TENT2: variants seen among roughly 807,000 people sequenced by gnomAD.
TENT2 encodes the protein poly(A) RNA polymerase GLD2.
Under a neutral mutation model 72.2 loss-of-function variants are expected in TENT2, and 44 were observed. The ratio of observed to expected loss-of-function variants is 0.61; its 90% confidence interval spans 0.48 to 0.78. TENT2 has a LOEUF of 0.78. TENT2 is among the 30% of genes least tolerant of loss of function. The pLI is 0.00. For missense variants in TENT2, 541 were observed against 569.6 expected, an observed-to-expected ratio of 0.95 and a Z score of 0.51; for synonymous variants, 212 against 192.5, an observed-to-expected ratio of 1.10 and a Z score of -0.84.
chr5:79,623,613 A>G (rs2150010145), intron 4 of TENT2, 124 bp downstream of exon 4: 1 of 563,686 alleles, frequency 1.8e-6, no homozygotes, highest in Non-Finnish European at 2.9e-6. Context: ...TGTTTAAAGT[A>G]CTATTCAGCC....
chr5:79,615,817 A>T (rs2149806386), intron 1 of TENT2, among the ~76,000 whole-genome samples: 1 of 150,686 alleles, frequency 6.6e-6, no homozygotes, highest in East Asian at 2.0e-4. Flanking sequence ...GGCTCAAGCG[A>T]TCCTCCCACC....
At chr5:79,680,139 C>CTT (rs1321792745) in intron 13 of TENT2, among the ~76,000 whole-genome samples, 1 of 152,064 alleles carries the variant, frequency 6.6e-6, no homozygotes, top group Non-Finnish European at 1.5e-5. Context: ...CCTTGAGACA[C>CTT]TTTGAGTGAG....
At chr5:79,619,900 T>C in intron 2 of TENT2, 94 bp from the exon 3 acceptor site, 1 of 1,455,458 alleles carries the variant, frequency 6.9e-7, no homozygotes, top group South Asian at 1.3e-5. Flanking sequence ...CATTTTTTTT[T>C]GATACGGATG....
intron 4 of TENT2, among the ~76,000 whole-genome samples, chr5:79,630,886 T>A (rs1209943424): frequency 1.4e-5 from 2 of 146,928 alleles, no homozygotes; most frequent in Non-Finnish European, 3.0e-5. Context: ...CTATGGAGAG[T>A]AGATTGAAGT....
In TENT2 at chr5:79,656,958, C is replaced by T; in HGVS notation, c.1028C>T (p.Thr343Ile). 1 of 1,602,822 alleles carries T rather than the reference C, an allele frequency of 6.2e-7. No individual in the cohort carries two copies. The highest frequency in any genetic ancestry group is 8.5e-7 in the Non-Finnish European group (1 of 1,172,778). ...LVLMVLHYLQ[T>I]LPEPILPSLQ... ...AGCTTTAAACTTTTTCTTTTTATAGCCCTACCTGAACCCATCCTTCCATCC... is the reference window on the plus strand; with the variant it reads ...AGCTTTAAACTTTTTCTTTTTATAGTCCTACCTGAACCCATCCTTCCATCC... Residue 343 changes from threonine to isoleucine, a missense_variant and splice_region_variant, in exon 11 of 15, where the codon ACC becomes ATC. Coordinates refer to ENST00000453514, the MANE Select transcript of TENT2 (RefSeq NM_001114394.3).
intron 11 of TENT2, among the ~76,000 whole-genome samples, chr5:79,659,546 A>AG (rs1800591499): frequency 1.1e-5 from 1 of 90,474 alleles, no homozygotes; most frequent in African/African-American, 5.4e-5. Context: ...AAAAAAAAAA[A>AG]AAAAAAAATG....
chr5:79,620,315 A>C (rs569386074), intron 3 of TENT2, among the ~76,000 whole-genome samples: 1 of 152,152 alleles, frequency 6.6e-6, no homozygotes, highest in South Asian at 2.1e-4. Flanking sequence ...CCTACATCAG[A>C]TCTCCCCTTT....
chr5:79,621,551 G>A (rs1276288642), intron 3 of TENT2, among the ~76,000 whole-genome samples: 5 of 152,016 alleles, frequency 3.3e-5, no homozygotes, highest in African/African-American at 1.2e-4. Flanking sequence ...GAGGTCAGGA[G>A]ATCGAGACCA....
Position 79,686,795 on chromosome 5 carries a change from C to T in TENT2, c.*1522C>T, listed in dbSNP as rs1411500470. On this transcript the variant is annotated 3_prime_UTR_variant, in exon 15 of 15. Coordinates refer to ENST00000453514, the MANE Select transcript of TENT2 (RefSeq NM_001114394.3). ...TGGCATTATGAGGAATGAAAGTTTA[C>T]ACATAGTGAATTTTTTAGATTCCTG... 2.0e-5 allele frequency: 3 copies of T among 152,150 alleles called. No individual in the cohort carries two copies. Among genetic ancestry groups the T allele is most frequent in the Non-Finnish European group, 4.4e-5 (3 of 67,994 alleles). The allele number at this position is 152,150 out of a possible 1,614,324, so 9.4% of individuals were successfully genotyped here.
intron 4 of TENT2, 119 bp downstream of exon 4, chr5:79,623,608 A>G (rs1766865837): frequency 1.6e-6 from 1 of 630,522 alleles, no homozygotes; most frequent in African/African-American, 1.9e-5. Context: ...TGCAATGTTT[A>G]AAGTACTATT....
rs1360067740 is a variant in TENT2 at position 79,623,125 on chromosome 5, T to A, written c.228-127T>A. On this transcript the variant is annotated intron_variant, in intron 3 of 14. Transcript: ENST00000453514. Reference sequence around the variant, plus strand: ...ATTTTTAAGATCCATATAAAGCTAATAAAGTGACCTTATTGAAAGAATCAT... The same window carrying A: ...ATTTTTAAGATCCATATAAAGCTAAAAAAGTGACCTTATTGAAAGAATCAT... 6.8e-5 allele frequency: 44 copies of A among 648,102 alleles called. 1 individual carries two copies. In the East Asian group the frequency reaches 1.2e-3, roughly 18 times the overall value. The allele number at this position is 648,102 out of a possible 1,614,324, so 40.1% of individuals were successfully genotyped here.
intron 4 of TENT2, among the ~76,000 whole-genome samples, chr5:79,633,925 G>A (rs904668407): frequency 5.4e-5 from 8 of 149,132 alleles, no homozygotes; most frequent in Admixed American, 4.0e-4. Flanking sequence ...AGGCCGAGGC[G>A]GGCAGATCAC....
At chr5:79,620,924 CAATT>C (rs150174728) in intron 3 of TENT2, among the ~76,000 whole-genome samples, 1,728 of 152,132 alleles carry the variant, frequency 0.011, 29 homozygotes, top group African/African-American at 0.04. Flanking sequence ...AGTCAGGAGT[CAATT>C]AATTTTAATC....
chr5:79,682,977 G>A (rs1456462585), intron 14 of TENT2, among the ~76,000 whole-genome samples: 1 of 151,906 alleles, frequency 6.6e-6, no homozygotes, highest in Non-Finnish European at 1.5e-5. Flanking sequence ...TCATTTTAGA[G>A]GCATACTTTT....
chr5:79,638,637 T>C (rs1222849673), intron 4 of TENT2, among the ~76,000 whole-genome samples: 5 of 152,188 alleles, frequency 3.3e-5, no homozygotes, highest in Admixed American at 2.0e-4. Flanking sequence ...CAATTTGATT[T>C]CTGCATGTTC....
chr5:79,646,663 A>G (rs1209527615), intron 8 of TENT2, among the ~76,000 whole-genome samples: 1 of 152,256 alleles, frequency 6.6e-6, no homozygotes, highest in Non-Finnish European at 1.5e-5. Context: ...TTATAATATT[A>G]GCTAATTATA....
At chr5:79,684,818 A>G (rs189723216) in intron 14 of TENT2, among the ~76,000 whole-genome samples, 109 of 152,350 alleles carry the variant, frequency 7.2e-4, no homozygotes, top group African/African-American at 2.5e-3. Context: ...TGACAGAAAC[A>G]ATACTTACAC....
At chr5:79,641,024 C>CTT in intron 5 of TENT2, 59 bp downstream of exon 5, 166 of 1,137,982 alleles carry the variant, frequency 1.5e-4, no homozygotes, top group South Asian at 2.6e-4. Context: ...TAAATTTTAT[C>CTT]TTTTTTTTTT....
Position 79,649,126 on chromosome 5 carries a change from T to A in TENT2, c.963T>A (p.Asn321Lys), listed in dbSNP as rs369621548. 6.2e-7 allele frequency: 1 copy of A among 1,613,404 alleles called. No individual in the cohort carries two copies. Among genetic ancestry groups the A allele is most frequent in the Non-Finnish European group, 8.5e-7 (1 of 1,179,682 alleles). Residue 321 changes from asparagine (N) to lysine (K), a missense_variant, in exon 10 of 15, where the codon AAT becomes AAA. Asn to Lys is a moderately conservative substitution (Grantham distance 94). Transcript: ENST00000453514. ...IKKWASHHQI[N>K]DASRGTLSSY... ...AGTGGGCAAGTCACCATCAGATAAA[T>A]GATGCCAGTCGTGGTACTTTAAGCA... is the stretch of plus-strand genomic sequence containing the variant.
Sources: gnomAD v4.1 joint callset for allele counts (sites outside exome capture counted in the v4.1 genomes callset) on GRCh38, gnomAD v4.1.1 for gene constraint, MANE v1.5 for transcripts, NCBI Gene and HGNC (gene_info 2026-07-23, HGNC 2026-07-21) for gene names.